The following ADSS1 variants were observed in gnomAD, a reference collection of about 807,000 sequenced individuals.
ADSS1 encodes adenylosuccinate synthetase isozyme 1.
ADSS1 carries 57 observed loss-of-function variants against 59.1 expected under a neutral mutation model. The observed-to-expected ratio is 0.97, with a 90% CI of 0.78 to 1.20. The LOEUF is 1.20. Ranked by LOEUF, ADSS1 falls within the 50% of genes most tolerant of loss-of-function variation. The probability of loss-of-function intolerance (pLI) is 0.00; values close to 1 mark genes in which losing one functional copy is unlikely to be tolerated. For synonymous variants in ADSS1, 247 were observed against 249.4 expected, an observed-to-expected ratio of 0.99 and a Z score of 0.09; for missense variants, 603 against 610.3, an observed-to-expected ratio of 0.99 and a Z score of 0.13.
intron 1 of ADSS1, among the ~76,000 whole-genome samples, chr14:104,726,392 C>T (rs369585261): frequency 2.6e-5 from 4 of 152,226 alleles, no homozygotes; most frequent in African/African-American, 9.6e-5. Context: ...CTCAGCGGGG[C>T]GCCGCTCTGC....
Position 104,735,303 on chromosome 14 carries a change from C to A in ADSS1, c.295+181C>A, listed in dbSNP as rs185034782. ...GCACAGAAACCTGCATAGCCCGGGC[C>A]TGGGCTGGGAACGCAGCTGAGAGGA... On this transcript the variant is annotated intron_variant, in intron 2 of 12. Coordinates refer to ENST00000330877, the MANE Select transcript of ADSS1 (RefSeq NM_152328.5). 3.6e-3 allele frequency among the ~76,000 whole-genome samples: 548 copies of A among 152,354 alleles called. 2 individuals are homozygous for A. Among genetic ancestry groups the A allele is most frequent in the Non-Finnish European group, 5.6e-3 (383 of 68,034 alleles).
intron 1 of ADSS1, among the ~76,000 whole-genome samples, chr14:104,727,390 A>C (rs1422631877): frequency 6.6e-6 from 1 of 150,942 alleles, no homozygotes; most frequent in Non-Finnish European, 1.5e-5. Flanking sequence ...GTTCGGCTGC[A>C]CTATGCCCCC....
At chr14:104,732,474 C>T (rs537594373) in intron 1 of ADSS1, among the ~76,000 whole-genome samples, 3 of 152,306 alleles carry the variant, frequency 2.0e-5, no homozygotes, top group East Asian at 1.9e-4. Flanking sequence ...ATCAGCAGGC[C>T]CCAGGCTCAG....
intron 1 of ADSS1, among the ~76,000 whole-genome samples, chr14:104,730,555 A>G (rs777011801): frequency 6.6e-6 from 1 of 152,176 alleles, no homozygotes; most frequent in African/African-American, 2.4e-5. Flanking sequence ...CCTGGAGACT[A>G]TAGATAGATA....
At chr14:104,727,005 GC>G (rs1428784269) in intron 1 of ADSS1, among the ~76,000 whole-genome samples, 1 of 152,194 alleles carries the variant, frequency 6.6e-6, no homozygotes, top group Non-Finnish European at 1.5e-5. Context: ...CACCAGCAGA[GC>G]CATCACTTCG....
intron 1 of ADSS1, among the ~76,000 whole-genome samples, chr14:104,730,387 G>A (rs1890878506): frequency 6.6e-6 from 1 of 152,194 alleles, no homozygotes; most frequent in Non-Finnish European, 1.5e-5. Flanking sequence ...CTACTGGGGA[G>A]GGTGAGGTGG....
intron 1 of ADSS1, among the ~76,000 whole-genome samples, chr14:104,728,697 G>A (rs1890790777): frequency 6.6e-6 from 1 of 152,184 alleles, no homozygotes; most frequent in African/African-American, 2.4e-5. Context: ...GGAGCCTCAC[G>A]GCCTCTGAAA....
At position 104,740,468 on chromosome 14, in the gene ADSS1, C is replaced by A; in HGVS notation, c.477-133C>A. 1 of 775,040 alleles carries A rather than the reference C, an allele frequency of 1.3e-6. No homozygotes were observed. The highest frequency in any genetic ancestry group is 2.2e-6 in the Non-Finnish European group (1 of 464,350). The allele number at this position is 775,040 out of a possible 1,614,324, so 48.0% of individuals were successfully genotyped here. On this transcript the variant is annotated intron_variant, in intron 5 of 12. Transcript: ENST00000330877. The surrounding 1 kb of genome is among the most constrained non-coding windows in gnomAD (Gnocchi z 4.8). ...GCGTACACCCACACACGCACACACTCACAGCTCAGCCAGACACAGGCAGCA... is the reference window on the plus strand; with the variant it reads ...GCGTACACCCACACACGCACACACTAACAGCTCAGCCAGACACAGGCAGCA...
intron 11 of ADSS1, chr14:104,745,577 A>G (rs924498830): frequency 6.5e-6 from 1 of 152,938 alleles, no homozygotes; most frequent in African/African-American, 2.4e-5. Context: ...TGTAGGCCAC[A>G]CAGGGCCACT....
chr14:104,737,388 C>T (rs1891173634), intron 2 of ADSS1: 1 of 152,146 alleles, frequency 6.6e-6, no homozygotes, highest in Admixed American at 6.5e-5. Context: ...ATTTAACTTT[C>T]CTCTATGTCT....
In ADSS1 at chr14:104,747,069, C is replaced by T. The variant is rs1417369666; in HGVS notation, c.*66C>T. On this transcript the variant is annotated 3_prime_UTR_variant, in exon 13 of 13. Coordinates refer to ENST00000330877, the MANE Select transcript of ADSS1 (RefSeq NM_152328.5). ...GGACTTGTGTAAACAGCAGCAGTCA[C>T]GTTCCTCGGCCGCCACAACCAACAC... 22 of 1,439,064 alleles carry T rather than the reference C, an allele frequency of 1.5e-5. No individual in the cohort carries two copies. The highest frequency in any genetic ancestry group is 1.8e-4 in the Middle Eastern group (1 of 5,436). The allele number at this position is 1,439,064 out of a possible 1,614,324, so 89.1% of individuals were successfully genotyped here.
Position 104,747,104 on chromosome 14 carries a change from A to G in ADSS1, c.*101A>G. ...CCGCCACAACCAACACCAAAGCAGG[A>G]AAACCATTTTCTGTACTTTTATATT... On this transcript the variant is annotated 3_prime_UTR_variant, in exon 13 of 13. Coordinates refer to ENST00000330877, the MANE Select transcript of ADSS1 (RefSeq NM_152328.5). 1 of 1,093,652 alleles carries G rather than the reference A, an allele frequency of 9.1e-7. No homozygotes were observed. The highest frequency in any genetic ancestry group is 1.3e-6 in the Non-Finnish European group (1 of 763,128). The allele number at this position is 1,093,652 out of a possible 1,614,324, so 67.7% of individuals were successfully genotyped here. A position where few individuals can be genotyped will look rare whatever the true frequency, so the allele number is the denominator to read the frequency against.
At chr14:104,739,167 G>A (rs1217863381) in intron 3 of ADSS1, among the ~76,000 whole-genome samples, 161 bp from the exon 4 acceptor site, 5 of 152,136 alleles carry the variant, frequency 3.3e-5, no homozygotes, top group African/African-American at 7.2e-5. Context: ...AACGAGGGGC[G>A]GGTCTGCCGC....
chr14:104,737,775 T>C (rs1163700426), intron 2 of ADSS1: 2 of 152,276 alleles, frequency 1.3e-5, no homozygotes, highest in African/African-American at 4.8e-5. Context: ...GGAATCATCC[T>C]GTTTGTGTCC....
At chr14:104,746,483 G>T (rs922181315) in intron 12 of ADSS1, 98 bp downstream of exon 12, 2 of 1,451,088 alleles carry the variant, frequency 1.4e-6, no homozygotes, top group Non-Finnish European at 1.8e-6. Context: ...AGAAAACCAA[G>T]TGTGGTCACC....
rs890171800 is a variant in ADSS1 at position 104,747,151 on chromosome 14, T to C, written c.*148T>C. The stretch of plus-strand genomic sequence containing the variant: ...TATTTCTGTTCAACCTGTTGGTTTC[T>C]ACAATGATTTTAAACATTGGAAAGC... On this transcript the variant is annotated 3_prime_UTR_variant, in exon 13 of 13. Transcript: ENST00000330877. 2 of 671,476 alleles carry C rather than the reference T, an allele frequency of 3.0e-6. No homozygotes were observed. Among genetic ancestry groups the C allele is most frequent in the Non-Finnish European group, 4.7e-6 (2 of 424,522 alleles). The allele number at this position is 671,476 out of a possible 1,614,324, so 41.6% of individuals were successfully genotyped here.
chr14:104,732,997 G>A (rs868662874), intron 1 of ADSS1, among the ~76,000 whole-genome samples: 3 of 152,092 alleles, frequency 2.0e-5, no homozygotes, highest in African/African-American at 4.8e-5. Flanking sequence ...GAACCTGTGC[G>A]CCCAGGGCTG....
At chr14:104,735,732 C>A (rs993176027) in intron 2 of ADSS1, among the ~76,000 whole-genome samples, 2 of 152,192 alleles carry the variant, frequency 1.3e-5, no homozygotes, top group African/African-American at 2.4e-5. Flanking sequence ...CACCTGTGAC[C>A]ACTCAGTGCT....
In ADSS1 at chr14:104,740,940, G is replaced by T. The variant is rs764667800; in HGVS notation, c.666+20G>T. ...CTCAAGGTGAAGTCGGGGCCGCAGT[G>T]TGGGGGCTGCGGAAGTGCTCCTCCA... On this transcript the variant is annotated intron_variant, in intron 7 of 12. Coordinates refer to ENST00000330877, the MANE Select transcript of ADSS1 (RefSeq NM_152328.5). The surrounding 1 kb of genome is among the most constrained non-coding windows in gnomAD (Gnocchi z 4.8). The T allele has an allele frequency of 6.2e-7, 1 of 1,613,806 alleles. No homozygotes were observed. Among genetic ancestry groups the T allele is most frequent in the Non-Finnish European group, 8.5e-7 (1 of 1,179,914 alleles).
Sources: allele counts gnomAD v4.1 joint callset (sites outside exome capture counted in the v4.1 genomes callset), GRCh38; gene constraint gnomAD v4.1.1; non-coding constraint Gnocchi (gnomAD v3.1); transcripts MANE v1.5; gene names NCBI Gene and HGNC (gene_info 2026-07-23, HGNC 2026-07-21).